Variants in TG observed in about 807,000 individuals in gnomAD.
TG encodes the protein thyroid hormones.
A neutral mutation model predicts 324.7 loss-of-function variants in TG; 270 were observed. The ratio of observed to expected loss-of-function variants is 0.83; its 90% confidence interval spans 0.75 to 0.92. TG has a LOEUF of 0.92. TG is among the 40% of genes least tolerant of loss of function. The pLI is 0.00. For missense variants in TG, 3,591 were observed against 3,456.4 expected, an observed-to-expected ratio of 1.04 and a Z score of -0.98; for synonymous variants, 1,401 against 1,327.0, an observed-to-expected ratio of 1.06 and a Z score of -1.21.
At chr8:132,984,162 G>A (rs1831242511) in intron 35 of TG, among the ~76,000 whole-genome samples, 2 of 152,252 alleles carry the variant, frequency 1.3e-5, no homozygotes, top group African/African-American at 2.4e-5. Flanking sequence ...GAGGCCAAGC[G>A]ATGTTAATTC....
chr8:132,924,701 G>A (rs575104114), intron 22 of TG, among the ~76,000 whole-genome samples: 1 of 152,286 alleles, frequency 6.6e-6, no homozygotes, highest in South Asian at 2.1e-4. Flanking sequence ...AATCCCAGTG[G>A]TGCCTTTACT....
At chr8:133,007,322 T>A (rs527571483) in intron 35 of TG, among the ~76,000 whole-genome samples, 6 of 151,792 alleles carry the variant, frequency 4.0e-5, no homozygotes, top group African/African-American at 1.4e-4. Flanking sequence ...TGTTTTTAAA[T>A]TTTTTTTTAA....
At chr8:133,029,160 T>C (rs771426398) in intron 40 of TG, among the ~76,000 whole-genome samples, 37 of 152,278 alleles carry the variant, frequency 2.4e-4, no homozygotes, top group Non-Finnish European at 4.0e-4. Flanking sequence ...GAGAAGTGTA[T>C]GTAGTGTCTC....
At position 132,917,438 on chromosome 8, in the gene TG, G is replaced by T. The variant is rs541449450; in HGVS notation, c.4379-1938G>T. On this transcript the variant is annotated intron_variant, in intron 20 of 47. Coordinates refer to ENST00000220616, the MANE Select transcript of TG (RefSeq NM_003235.5). ...CCTGTGCTGAGGGTGCTAAAGTGAA[G>T]AAGAACATTCCAGAAAGATTGGTAT... Among the ~76,000 whole-genome samples, 3 of 152,170 alleles carry T rather than the reference G, an allele frequency of 2.0e-5. No homozygotes were observed. The East Asian group carries it at 5.8e-4, about 29-fold the overall frequency.
At chr8:133,097,040 C>G (rs2703001) in intron 43 of TG, among the ~76,000 whole-genome samples, 1 of 152,226 alleles carries the variant, frequency 6.6e-6, no homozygotes, top group African/African-American at 2.4e-5. Context: ...ACAAGCTACT[C>G]TTGGCCAAAG....
chr8:132,974,389 G>A (rs528588433), intron 34 of TG, among the ~76,000 whole-genome samples: 13 of 152,314 alleles, frequency 8.5e-5, no homozygotes, highest in African/African-American at 2.9e-4. Context: ...AGACCATGAT[G>A]GATTTACGTG....
At chr8:132,950,965 G>A (rs1046991761) in intron 27 of TG, among the ~76,000 whole-genome samples, 4 of 152,124 alleles carry the variant, frequency 2.6e-5, no homozygotes, top group Non-Finnish European at 4.4e-5. Flanking sequence ...AAGACACTCA[G>A]GCACATAGCA....
rs1166808510 is a variant in TG at position 132,882,067 on chromosome 8, T to C, written c.745+98T>C. 8 of 880,824 alleles carry C rather than the reference T, an allele frequency of 9.1e-6. No homozygotes were observed. The South Asian group carries it at 1.0e-4, about 11-fold the overall frequency. The allele number at this position is 880,824 out of a possible 1,614,324, so 54.6% of individuals were successfully genotyped here. A position where few individuals can be genotyped will look rare whatever the true frequency, so the allele number is the denominator to read the frequency against. ...GCTTGTAAAGCACAGCTAGAGTGACTGCCTGCCCCCTGCCAGGCTGCTGTG... is the reference window on the plus strand; with the variant it reads ...GCTTGTAAAGCACAGCTAGAGTGACCGCCTGCCCCCTGCCAGGCTGCTGTG... On this transcript the variant is annotated intron_variant, in intron 6 of 47. Transcript: ENST00000220616.
intron 41 of TG, among the ~76,000 whole-genome samples, chr8:133,070,024 AAAG>A (rs1212872673): frequency 0.02 from 1,804 of 91,922 alleles, 256 homozygotes; most frequent in Non-Finnish European, 0.036. Flanking sequence ...AAAAAAAAAA[AAAG>A]AAAGAAAGAA....
At chr8:133,102,558 G>A in intron 43 of TG, 2 of 1,551,600 alleles carry the variant, frequency 1.3e-6, no homozygotes, top group Non-Finnish European at 1.7e-6. Context: ...CCTACCGGTG[G>A]AGCATCAGGG....
chr8:132,882,110 A>G (rs980623217), intron 6 of TG, 141 bp downstream of exon 6: 2 of 661,036 alleles, frequency 3.0e-6, no homozygotes, highest in Middle Eastern at 4.1e-4. Flanking sequence ...AGGAGGACAC[A>G]ACCTTAGCAA....
chr8:133,058,085 G>A (rs1056393294), intron 41 of TG, among the ~76,000 whole-genome samples: 1 of 152,220 alleles, frequency 6.6e-6, no homozygotes, highest in Non-Finnish European at 1.5e-5. Context: ...AGCTTGAGCT[G>A]AGTAGCAGCT....
chr8:133,015,321 C>T (rs1834924213), intron 37 of TG, among the ~76,000 whole-genome samples: 1 of 152,214 alleles, frequency 6.6e-6, no homozygotes, highest in Non-Finnish European at 1.5e-5. Flanking sequence ...GATGTGTGCA[C>T]ATATGCATCT....
chr8:133,001,864 G>A (rs1370193726), intron 35 of TG: 2 of 985,374 alleles, frequency 2.0e-6, no homozygotes, highest in South Asian at 4.7e-5. Flanking sequence ...CTGTGCAGGT[G>A]TGGAAACCGC....
At chr8:133,068,012 G>C (rs2739144) in intron 41 of TG, among the ~76,000 whole-genome samples, 50,664 of 152,006 alleles carry the variant, frequency 0.33, 8,940 homozygotes, top group East Asian at 0.55. Context: ...ATGAAAGGGA[G>C]TAGCTGCCTG....
At chr8:133,117,134 A>G (rs1046263782) in intron 45 of TG, among the ~76,000 whole-genome samples, 11 of 152,328 alleles carry the variant, frequency 7.2e-5, no homozygotes, top group Middle Eastern at 3.4e-3. Context: ...CTTCCAGAAT[A>G]GGTTCCAGCT....
intron 16 of TG, among the ~76,000 whole-genome samples, chr8:132,905,337 C>T (rs1818524170): frequency 6.6e-6 from 1 of 152,148 alleles, no homozygotes; most frequent in African/African-American, 2.4e-5. Flanking sequence ...TGAAAGACAA[C>T]TCAAGGAGCC....
intron 10 of TG, among the ~76,000 whole-genome samples, chr8:132,892,376 T>C (rs887890917): frequency 3.3e-5 from 5 of 152,110 alleles, no homozygotes; most frequent in African/African-American, 1.2e-4. Flanking sequence ...TTAAATTATA[T>C]GACTTCTCCA....
chr8:133,043,415 T>C (rs1838699033), intron 41 of TG, among the ~76,000 whole-genome samples: 2 of 152,324 alleles, frequency 1.3e-5, no homozygotes, highest in African/African-American at 4.8e-5. Context: ...AGTTGGCTGT[T>C]TCCAGGACTC....
Sources: gnomAD v4.1 joint callset for allele counts (sites outside exome capture counted in the v4.1 genomes callset) on GRCh38, gnomAD v4.1.1 for gene constraint, MANE v1.5 for transcripts, NCBI Gene and HGNC (gene_info 2026-07-23, HGNC 2026-07-21) for gene names.